Variants in PRKG1 observed in about 807,000 individuals in gnomAD.
The protein encoded by PRKG1 is cGMP-dependent protein kinase 1.
Under a neutral mutation model 88.1 loss-of-function variants are expected in PRKG1, and 35 were observed. The ratio of observed to expected loss-of-function variants is 0.40; its 90% CI spans 0.30 to 0.53. PRKG1 has a LOEUF of 0.53. Ranked by LOEUF, PRKG1 falls within the 20% of genes least tolerant of loss-of-function variation. The probability of loss-of-function intolerance (pLI) is 0.59; values close to 1 mark genes in which losing one functional copy is unlikely to be tolerated. For missense variants in PRKG1, 540 were observed against 839.8 expected (o/e 0.64, Z 4.41); for synonymous variants, 303 against 292.5 (o/e 1.04, Z -0.37).
intron 2 of PRKG1, among the ~76,000 whole-genome samples, chr10:51,188,445 G>A (rs1313492076): frequency 6.6e-6 from 1 of 151,572 alleles, no homozygotes; most frequent in African/African-American, 2.4e-5. Flanking sequence ...TGATATATAA[G>A]ATCATATATC....
chr10:51,992,164 T>C (rs1009413146), intron 5 of PRKG1, among the ~76,000 whole-genome samples: 1 of 152,188 alleles, frequency 6.6e-6, no homozygotes, highest in Non-Finnish European at 1.5e-5. Context: ...TTCTTTCCTA[T>C]ATAGCACTGG....
chr10:51,347,467 G>T (rs1395257659), intron 2 of PRKG1, among the ~76,000 whole-genome samples: 6 of 152,092 alleles, frequency 3.9e-5, no homozygotes, highest in Admixed American at 3.9e-4. Flanking sequence ...TTGATCTTAT[G>T]AATGAATTGC....
At chr10:51,699,214 G>T in intron 3 of PRKG1, 1 of 1,614,142 alleles carries the variant, frequency 6.2e-7, no homozygotes, top group Non-Finnish European at 8.5e-7. Flanking sequence ...CATAGGGTGA[G>T]TCAATAATGG....
At chr10:51,554,889 T>G (rs1409203413) in intron 3 of PRKG1, among the ~76,000 whole-genome samples, 1 of 151,870 alleles carries the variant, frequency 6.6e-6, no homozygotes, top group Non-Finnish European at 1.5e-5. Context: ...AGGCTAGAGA[T>G]TCTTGCCTCA....
chr10:51,902,070 C>T (rs1841992131), intron 4 of PRKG1, among the ~76,000 whole-genome samples: 1 of 151,954 alleles, frequency 6.6e-6, no homozygotes, highest in African/African-American at 2.4e-5. Flanking sequence ...AAGCGATAAT[C>T]TATTCTTAAA....
intron 2 of PRKG1, among the ~76,000 whole-genome samples, chr10:51,330,443 A>G (rs1841710588): frequency 6.6e-6 from 1 of 152,076 alleles, no homozygotes; most frequent in South Asian, 2.1e-4. Flanking sequence ...GAGCCACCAC[A>G]CCCGGCCACG....
intron 5 of PRKG1, among the ~76,000 whole-genome samples, chr10:51,993,523 T>C (rs1021164901): frequency 6.6e-6 from 1 of 152,154 alleles, no homozygotes; most frequent in Non-Finnish European, 1.5e-5. Context: ...CATTATGAGA[T>C]TGAGTCTAAG....
chr10:52,176,493 A>C (rs1232615511), intron 9 of PRKG1, among the ~76,000 whole-genome samples: 4 of 152,062 alleles, frequency 2.6e-5, no homozygotes, highest in Middle Eastern at 3.4e-3. Context: ...GGATTGCTTT[A>C]GCTACTCAAG....
At chr10:51,253,133 A>G (rs993217662) in intron 2 of PRKG1, among the ~76,000 whole-genome samples, 1 of 151,914 alleles carries the variant, frequency 6.6e-6, no homozygotes, top group African/African-American at 2.4e-5. Context: ...ATGGCAAAGC[A>G]GGGAAACTAT....
chr10:51,485,785 G>A (rs1013917434), intron 3 of PRKG1, among the ~76,000 whole-genome samples: 3 of 152,138 alleles, frequency 2.0e-5, no homozygotes, highest in Non-Finnish European at 4.4e-5. Flanking sequence ...ACTGATTTGA[G>A]CTATGAGCTA....
chr10:51,375,427 T>TTC (rs1264743315), intron 2 of PRKG1, among the ~76,000 whole-genome samples: 1 of 142,092 alleles, frequency 7.0e-6, no homozygotes, highest in Non-Finnish European at 1.5e-5. Flanking sequence ...GATTTGGGGT[T>TTC]TTTTTTTTTG....
chr10:51,838,059 C>G (rs1430106919), intron 4 of PRKG1, among the ~76,000 whole-genome samples: 1 of 150,972 alleles, frequency 6.6e-6, no homozygotes, highest in African/African-American at 2.5e-5. Context: ...TTGCAACTCT[C>G]TTTGTGATCC....
At chr10:51,432,419 A>G (rs921258101) in intron 2 of PRKG1, among the ~76,000 whole-genome samples, 1 of 152,200 alleles carries the variant, frequency 6.6e-6, no homozygotes, top group African/African-American at 2.4e-5. Context: ...AACAAATAAA[A>G]AAAACAAAAA....
intron 4 of PRKG1, among the ~76,000 whole-genome samples, chr10:51,878,728 C>A (rs1841364515): frequency 6.6e-6 from 1 of 152,146 alleles, no homozygotes; most frequent in African/African-American, 2.4e-5. Context: ...CTGTCACAAG[C>A]CATTTTCCTT....
At chr10:51,504,756 G>T (rs939937921) in intron 3 of PRKG1, among the ~76,000 whole-genome samples, 11 of 152,246 alleles carry the variant, frequency 7.2e-5, no homozygotes, top group Middle Eastern at 6.8e-3. Flanking sequence ...ATTCACTCCT[G>T]ATTTGGCTCT....
chr10:51,150,392 A>G (rs951312246), intron 1 of PRKG1, among the ~76,000 whole-genome samples: 2 of 152,128 alleles, frequency 1.3e-5, no homozygotes, highest in African/African-American at 4.8e-5. Flanking sequence ...GAGAAAGTAA[A>G]GACTAATGAG....
At chr10:52,099,252 A>T (rs1445220864) in intron 7 of PRKG1, among the ~76,000 whole-genome samples, 3 of 152,086 alleles carry the variant, frequency 2.0e-5, no homozygotes. Flanking sequence ...GAAAGTTTTG[A>T]TATGTATCAA....
At chr10:52,142,568 TA>T (rs1837611229) in intron 8 of PRKG1, among the ~76,000 whole-genome samples, 2 of 152,188 alleles carry the variant, frequency 1.3e-5, no homozygotes, top group Non-Finnish European at 2.9e-5. Flanking sequence ...TCTCTCAATA[TA>T]TAGATCAATC....
intron 9 of PRKG1, among the ~76,000 whole-genome samples, chr10:52,190,980 C>T (rs965496380): frequency 6.6e-6 from 1 of 152,160 alleles, no homozygotes; most frequent in Non-Finnish European, 1.5e-5. Context: ...ATTATTATCA[C>T]ACTTAACAAA....
Sources: allele counts gnomAD v4.1 joint callset (sites outside exome capture counted in the v4.1 genomes callset), GRCh38; gene constraint gnomAD v4.1.1; transcripts MANE v1.5; gene names NCBI Gene and HGNC (gene_info 2026-07-23, HGNC 2026-07-21).